Variants in SMYD3 observed in about 807,000 individuals in gnomAD.
The protein encoded by SMYD3 is histone-lysine N-methyltransferase SMYD3.
In SMYD3, 36 loss-of-function variants were observed where a neutral mutation model predicts 57.7. The observed-to-expected ratio is 0.62, with a 90% CI of 0.48 to 0.82. The LOEUF is 0.82. Among genes scored for constraint, SMYD3 ranks in the 40% least tolerant of loss-of-function variants. SMYD3 has a pLI of 0.00. For synonymous variants in SMYD3, 211 were observed against 195.0 expected (o/e 1.08, Z -0.68); for missense variants, 515 against 538.8 (o/e 0.96, Z 0.44).
chr1:245,766,818 T>C (rs879646865), intron 10 of SMYD3, among the ~76,000 whole-genome samples: 1 of 152,184 alleles, frequency 6.6e-6, no homozygotes, highest in African/African-American at 2.4e-5. Context: ...GAAAGCGGTG[T>C]GTCATTACGC....
chr1:245,972,362 T>A (rs904650403), intron 5 of SMYD3, among the ~76,000 whole-genome samples: 5 of 152,220 alleles, frequency 3.3e-5, no homozygotes, highest in Non-Finnish European at 7.3e-5. Context: ...TGTTCAATGG[T>A]ATCACGGTGG....
At chr1:245,823,568 G>C (rs983804851) in intron 10 of SMYD3, among the ~76,000 whole-genome samples, 10 of 152,210 alleles carry the variant, frequency 6.6e-5, no homozygotes, top group Admixed American at 6.5e-5. Context: ...ACCAAATTCA[G>C]CCATATGGAC....
intron 5 of SMYD3, among the ~76,000 whole-genome samples, chr1:245,947,211 G>A (rs2057454700): frequency 6.6e-6 from 1 of 152,272 alleles, no homozygotes. Flanking sequence ...ATGCCACAGA[G>A]AGAGAGATAT....
At chr1:246,221,307 C>A (rs1489982970) in intron 5 of SMYD3, among the ~76,000 whole-genome samples, 1 of 152,192 alleles carries the variant, frequency 6.6e-6, no homozygotes, top group Non-Finnish European at 1.5e-5. Flanking sequence ...CTCAGTAAAG[C>A]TCCTCTTCAT....
intron 5 of SMYD3, among the ~76,000 whole-genome samples, chr1:245,977,946 T>C (rs138728227): frequency 1.3e-5 from 2 of 152,316 alleles, no homozygotes; most frequent in East Asian, 3.9e-4. Flanking sequence ...ATTCCCATTT[T>C]ACAGATAAAG....
chr1:246,501,850 G>A (rs1410693522), intron 1 of SMYD3, among the ~76,000 whole-genome samples: 2 of 152,144 alleles, frequency 1.3e-5, no homozygotes, highest in Non-Finnish European at 1.5e-5. Flanking sequence ...TACATTTCAC[G>A]AGGCAATTTA....
chr1:245,817,468 G>T (rs2048917089), intron 10 of SMYD3, among the ~76,000 whole-genome samples: 1 of 151,218 alleles, frequency 6.6e-6, no homozygotes. Context: ...AGAAAAACTG[G>T]AAACTCTAAA....
intron 5 of SMYD3, among the ~76,000 whole-genome samples, chr1:246,046,489 T>C (rs904586969): frequency 6.6e-6 from 1 of 150,592 alleles, no homozygotes. Flanking sequence ...GCGGTGGGAG[T>C]GGGGAGGGAT....
intron 8 of SMYD3, among the ~76,000 whole-genome samples, chr1:245,865,765 C>G (rs1220022389): frequency 3.9e-5 from 6 of 152,218 alleles, no homozygotes; most frequent in African/African-American, 1.4e-4. Context: ...AAGCTAACAG[C>G]CGCATGCGGC....
intron 8 of SMYD3, among the ~76,000 whole-genome samples, chr1:245,893,899 T>C (rs540610715): frequency 1.3e-5 from 2 of 152,324 alleles, no homozygotes; most frequent in South Asian, 2.1e-4. Context: ...GTTACTCTTA[T>C]CACTATAGAA....
chr1:246,132,762 T>C (rs1201548913), intron 5 of SMYD3, among the ~76,000 whole-genome samples: 1 of 152,132 alleles, frequency 6.6e-6, no homozygotes, highest in Non-Finnish European at 1.5e-5. Flanking sequence ...CCAGAATATA[T>C]GGATAACTCC....
chr1:245,935,496 C>T (rs1328287277), intron 5 of SMYD3, among the ~76,000 whole-genome samples: 2 of 152,126 alleles, frequency 1.3e-5, no homozygotes, highest in African/African-American at 2.4e-5. Flanking sequence ...AGAAGTTACT[C>T]GAAAACCTCA....
chr1:246,239,465 T>C (rs2063567738), intron 5 of SMYD3, among the ~76,000 whole-genome samples: 1 of 152,238 alleles, frequency 6.6e-6, no homozygotes, highest in Admixed American at 6.5e-5. Context: ...CCATGGCGTA[T>C]ATGTGCCACA....
At chr1:246,373,920 C>T (rs998531425) in intron 1 of SMYD3, among the ~76,000 whole-genome samples, 12 of 152,282 alleles carry the variant, frequency 7.9e-5, no homozygotes, top group African/African-American at 2.9e-4. Context: ...CAAAACAACC[C>T]TGCCATTCAT....
At chr1:245,978,575 G>C (rs975304115) in intron 5 of SMYD3, among the ~76,000 whole-genome samples, 1 of 152,124 alleles carries the variant, frequency 6.6e-6, no homozygotes, top group South Asian at 2.1e-4. Context: ...GGAGGGCGGG[G>C]GGCAGAGAGA....
chr1:246,034,444 G>A (rs1443676731), intron 5 of SMYD3: 2 of 152,132 alleles, frequency 1.3e-5, no homozygotes, highest in Non-Finnish European at 2.9e-5. Context: ...CAAAAAAGAT[G>A]AATCAAGGCC....
chr1:246,259,087 T>C (rs2063952050), intron 5 of SMYD3, among the ~76,000 whole-genome samples: 2 of 152,200 alleles, frequency 1.3e-5, no homozygotes, highest in African/African-American at 4.8e-5. Context: ...TTTTAAGATA[T>C]TTATCTCTTC....
intron 5 of SMYD3, among the ~76,000 whole-genome samples, chr1:246,075,172 G>A (rs1445550160): frequency 2.0e-5 from 3 of 151,968 alleles, no homozygotes; most frequent in Non-Finnish European, 4.4e-5. Context: ...GAAAAGACAG[G>A]AAAATATGCT....
chr1:246,493,497 A>G (rs978928617), intron 1 of SMYD3, among the ~76,000 whole-genome samples: 1 of 152,196 alleles, frequency 6.6e-6, no homozygotes, highest in Non-Finnish European at 1.5e-5. Flanking sequence ...TAGGCCAAAA[A>G]GGGGCACTAT....
Sources: allele counts gnomAD v4.1 joint callset (sites outside exome capture counted in the v4.1 genomes callset), GRCh38; gene constraint gnomAD v4.1.1; transcripts MANE v1.5; gene names NCBI Gene and HGNC (gene_info 2026-07-23, HGNC 2026-07-21).